The following APBB2 variants were observed in gnomAD, a reference collection of about 807,000 sequenced individuals.
APBB2 encodes Fe65-like 1.
Under a neutral mutation model 82.5 loss-of-function variants are expected in APBB2, and 38 were observed. The ratio of observed to expected loss-of-function variants is 0.46; its 90% CI spans 0.36 to 0.60. APBB2 has a LOEUF of 0.60. APBB2 is among the 20% of genes least tolerant of loss of function. APBB2 has a pLI of 0.00. For synonymous variants in APBB2, 341 were observed against 368.2 expected (o/e 0.93, Z 0.85); for missense variants, 772 against 972.3 (o/e 0.79, Z 2.74).
chr4:40,982,277 A>AAG (rs1798856084), intron 6 of APBB2, among the ~76,000 whole-genome samples: 2 of 25,704 alleles, frequency 7.8e-5, no homozygotes, highest in South Asian at 2.7e-3. Context: ...AAAGAAAGAA[A>AAG]GAAAGAAGGA....
chr4:40,847,956 GC>G (rs1758175868), intron 12 of APBB2, among the ~76,000 whole-genome samples: 1 of 152,092 alleles, frequency 6.6e-6, no homozygotes, highest in South Asian at 2.1e-4. Context: ...ATAGGTGTTT[GC>G]CATCATACCC....
chr4:41,204,550 C>A (rs1777480576), intron 1 of APBB2, among the ~76,000 whole-genome samples: 2 of 152,198 alleles, frequency 1.3e-5, no homozygotes, highest in Non-Finnish European at 2.9e-5. Flanking sequence ...ACTCCCCACA[C>A]CCAAGCAGGA....
At chr4:41,187,250 C>T (rs1773147501) in intron 1 of APBB2, among the ~76,000 whole-genome samples, 2 of 152,110 alleles carry the variant, frequency 1.3e-5, no homozygotes, top group Admixed American at 1.3e-4. Flanking sequence ...GGTGGGATTT[C>T]AGGTGATTTT....
In APBB2 at chr4:40,963,676, G is replaced by C. The variant is rs191680914; in HGVS notation, c.836-18603C>G. ...AGAGAAACATTCTTTGGAAGCAAATGAATCCGATGCTATATCAAAGTCTTC... is the reference window on the plus strand; with the variant it reads ...AGAGAAACATTCTTTGGAAGCAAATCAATCCGATGCTATATCAAAGTCTTC... On this transcript the variant is annotated intron_variant, in intron 6 of 17. Coordinates refer to ENST00000508593, the MANE Select transcript of APBB2 (RefSeq NM_004307.2). Among the ~76,000 whole-genome samples, 320 of 152,352 alleles carry C rather than the reference G, an allele frequency of 2.1e-3. 2 individuals are homozygous for C. Among genetic ancestry groups the C allele is most frequent in the African/African-American group, 7.4e-3 (308 of 41,586 alleles).
intron 3 of APBB2, among the ~76,000 whole-genome samples, chr4:41,070,870 T>G (rs1000496711): frequency 1.3e-5 from 2 of 152,208 alleles, no homozygotes; most frequent in Admixed American, 1.3e-4. Flanking sequence ...CGCTATTCAC[T>G]TGAATGCAAG....
intron 12 of APBB2, among the ~76,000 whole-genome samples, chr4:40,838,329 A>ATTTTTTT (rs780767835): frequency 8.3e-5 from 6 of 72,274 alleles, no homozygotes; most frequent in South Asian, 4.6e-4. Flanking sequence ...CACATGGCTA[A>ATTTTTTT]TTTTTTTTTT....
chr4:41,193,320 C>T (rs1433064997), intron 1 of APBB2, among the ~76,000 whole-genome samples: 6 of 152,174 alleles, frequency 3.9e-5, no homozygotes, highest in African/African-American at 1.4e-4. Flanking sequence ...CTCTTAGGCA[C>T]TTTACATATG....
At chr4:40,840,631 G>A (rs1463094030) in intron 12 of APBB2, among the ~76,000 whole-genome samples, 2 of 152,082 alleles carry the variant, frequency 1.3e-5, no homozygotes, top group African/African-American at 4.8e-5. Flanking sequence ...AAGTTTTTTA[G>A]CCTCCGAAAG....
intron 5 of APBB2, among the ~76,000 whole-genome samples, chr4:41,017,656 T>C (rs960662847): frequency 1.3e-5 from 2 of 150,236 alleles, no homozygotes; most frequent in Non-Finnish European, 2.9e-5. Flanking sequence ...TAACAATAAA[T>C]GTGAGCTCCA....
At chr4:40,874,599 T>G (rs1766381630) in intron 12 of APBB2, among the ~76,000 whole-genome samples, 1 of 152,168 alleles carries the variant, frequency 6.6e-6, no homozygotes, top group South Asian at 2.1e-4. Context: ...TCATTCAGAA[T>G]CCCTAGAACA....
At chr4:40,990,560 T>G (rs1026351808) in intron 6 of APBB2, among the ~76,000 whole-genome samples, 57 of 152,112 alleles carry the variant, frequency 3.7e-4, no homozygotes, top group Admixed American at 2.0e-4. Flanking sequence ...GCTCAGGATT[T>G]CCACAGCCTA....
chr4:41,030,232 T>C (rs902046278), intron 5 of APBB2, among the ~76,000 whole-genome samples: 1 of 152,006 alleles, frequency 6.6e-6, no homozygotes, highest in Non-Finnish European at 1.5e-5. Flanking sequence ...AAAAAGGCAT[T>C]CCAGATGGGG....
chr4:41,163,634 T>C (rs562439296), intron 1 of APBB2, among the ~76,000 whole-genome samples: 1 of 152,288 alleles, frequency 6.6e-6, no homozygotes, highest in African/African-American at 2.4e-5. Flanking sequence ...ACAGTGATAA[T>C]GGGCATCCTG....
chr4:40,963,559 T>A (rs1218943004), intron 6 of APBB2, among the ~76,000 whole-genome samples: 3 of 152,210 alleles, frequency 2.0e-5, no homozygotes, highest in Non-Finnish European at 4.4e-5. Context: ...CTATTACTTT[T>A]TCTATGAAAG....
chr4:40,926,196 T>C (rs7690478), intron 10 of APBB2, among the ~76,000 whole-genome samples: 110,029 of 152,222 alleles, frequency 0.72, 39,864 homozygotes, highest in South Asian at 0.82. Flanking sequence ...GTTATTACTC[T>C]GTGTTGTTTG....
chr4:40,880,611 TC>T, intron 12 of APBB2: 1 of 985,448 alleles, frequency 1.0e-6, no homozygotes, highest in Non-Finnish European at 1.2e-6. Context: ...CCTGGGATGC[TC>T]CAAGTATTCA....
At chr4:41,040,896 T>G (rs1296299152) in intron 4 of APBB2, among the ~76,000 whole-genome samples, 4 of 152,180 alleles carry the variant, frequency 2.6e-5, no homozygotes, top group Non-Finnish European at 5.9e-5. Flanking sequence ...TTTATTTTTT[T>G]TTGAGATGGA....
intron 4 of APBB2, among the ~76,000 whole-genome samples, chr4:41,052,208 AATAC>A (rs33920742): frequency 0.55 from 82,383 of 149,614 alleles, 22,645 homozygotes; most frequent in Non-Finnish European, 0.57. Context: ...TCTGTACAAA[AATAC>A]ATACATACAT....
chr4:40,871,379 A>C (rs538526105), intron 12 of APBB2, among the ~76,000 whole-genome samples: 1 of 150,610 alleles, frequency 6.6e-6, no homozygotes, highest in East Asian at 2.0e-4. Flanking sequence ...TCCTGGCCTC[A>C]AGTGATCCGC....
Sources: allele counts gnomAD v4.1 joint callset (sites outside exome capture counted in the v4.1 genomes callset), GRCh38; gene constraint gnomAD v4.1.1; transcripts MANE v1.5; gene names NCBI Gene and HGNC (gene_info 2026-07-23, HGNC 2026-07-21).